ERCC1: variants seen among roughly 807,000 people sequenced by gnomAD.
The protein encoded by ERCC1 is DNA excision repair protein ERCC-1.
In ERCC1, 36 loss-of-function variants were observed where a neutral mutation model predicts 37.6. The observed-to-expected ratio is 0.96, with a 90% confidence interval of 0.73 to 1.26. The LOEUF is 1.26. ERCC1 is among the 50% of genes most tolerant of loss of function. The probability of loss-of-function intolerance (pLI) is 0.00; values close to 1 mark genes in which losing one functional copy is unlikely to be tolerated. For missense variants in ERCC1, 349 were observed against 376.5 expected (o/e 0.93, Z 0.60); for synonymous variants, 156 against 162.1 (o/e 0.96, Z 0.28).
chr19:45,420,483 G>A lies in ERCC1; in HGVS notation c.322-56C>T, dbSNP rs2123514656. 1 of 1,117,812 alleles carries A rather than the reference G, an allele frequency of 8.9e-7. No individual in the cohort carries two copies. The highest frequency in any genetic ancestry group is 1.3e-6 in the Non-Finnish European group (1 of 742,014). 69.2% of individuals were successfully genotyped at this position (1,117,812 alleles called of 1,614,324 possible). ...ATAGGGATGACCCTTGATAACCACA[G>A]GGCCCTCCTCCACCTCTTCTTGCAC... On this transcript the variant is annotated intron_variant, in intron 3 of 9. Transcript: ENST00000300853. The surrounding 1 kb of genome is among the most constrained non-coding windows in gnomAD (Gnocchi z 4.8).
chr19:45,411,229 G>A (rs1185264360), intron 9 of ERCC1, among the ~76,000 whole-genome samples: 2 of 152,128 alleles, frequency 1.3e-5, no homozygotes, highest in Non-Finnish European at 2.9e-5. Context: ...CTAAGTTTTG[G>A]CAATGTGAAC....
At position 45,423,354 on chromosome 19, in the gene ERCC1, T is replaced by G; in HGVS notation, c.21A>C (p.Lys7Asn). 6.2e-7 allele frequency: 1 copy of G among 1,613,298 alleles called. No homozygotes were observed. Among genetic ancestry groups the G allele is most frequent in the South Asian group, 1.1e-5 (1 of 90,838 alleles). MDPGKDKEGVPQPSGPP... is the reference protein window; with the variant it reads MDPGKDNEGVPQPSGPP... ...GCCCTGAGGGCTGGGGCACCCCCTC[T>G]TTGTCCTTCCCAGGGTCCATCTGGA... The change falls in exon 2 of 10, where the codon AAA (lysine) becomes AAC (asparagine). Residue 7 changes from lysine to asparagine, a missense_variant. Physicochemically the swap from Lys to Asn is moderately conservative, Grantham distance 94. Transcript: ENST00000300853.
At chr19:45,414,282 C>T in intron 7 of ERCC1, 1 of 557,456 alleles carries the variant, frequency 1.8e-6, no homozygotes, top group Non-Finnish European at 3.2e-6. Context: ...TCAAGACCAG[C>T]CTGGCCAACA....
chr19:45,450,834 G>A (rs1418787073), intron 1 of ERCC1: 3 of 139,394 alleles, frequency 2.2e-5, no homozygotes, highest in Non-Finnish European at 3.1e-5. Context: ...GCAGCGCCGC[G>A]CCGGTTGCCG....
In ERCC1 at chr19:45,409,402, A is replaced by G. The variant is rs964169447; in HGVS notation, c.*273T>C. 1.9e-6 allele frequency: 3 copies of G among 1,613,948 alleles called. No individual in the cohort carries two copies. The highest frequency in any genetic ancestry group is 2.5e-6 in the Non-Finnish European group (3 of 1,180,002). ...GCCGGATGCCAGAGACAGTGCCCCA[A>G]GAGGAGATGCCAGGGCCGCCACTGA... On this transcript the variant is annotated 3_prime_UTR_variant, in exon 10 of 10. Transcript: ENST00000300853.
chr19:45,435,138 C>T (rs1195620955), intron 1 of ERCC1, among the ~76,000 whole-genome samples: 2 of 151,956 alleles, frequency 1.3e-5, no homozygotes, highest in South Asian at 2.1e-4. Flanking sequence ...AGGCTGGTCT[C>T]AGACTCCTGA....
chr19:45,423,260 C>T lies in ERCC1; in HGVS notation c.105+10G>A. ...CAGCCTCCCAGGGGCCCCGCATCTC[C>T]TTGTCCTACCACTCCAGGAGGGACC... On this transcript the variant is annotated intron_variant, in intron 2 of 9. Transcript: ENST00000300853. 7 of 1,611,654 alleles carry T rather than the reference C, an allele frequency of 4.3e-6. No homozygotes were observed. Among genetic ancestry groups the T allele is most frequent in the Non-Finnish European group, 5.9e-6 (7 of 1,179,044 alleles).
At chr19:45,433,245 G>A (rs2123577389) in intron 1 of ERCC1, among the ~76,000 whole-genome samples, 1 of 151,966 alleles carries the variant, frequency 6.6e-6, no homozygotes, top group African/African-American at 2.4e-5. Context: ...CAAAAATTAA[G>A]CCGGGCACAA....
At position 45,408,173 on chromosome 19, in the gene ERCC1, G is replaced by A. The variant is rs778171085; in HGVS notation, c.*1502C>T. ...TGTGCCTCTCTCTGGCTCCCAGATCGTCAAGGGCAAATTGGCAGGCAAGCG... is the reference window on the plus strand; with the variant it reads ...TGTGCCTCTCTCTGGCTCCCAGATCATCAAGGGCAAATTGGCAGGCAAGCG... On this transcript the variant is annotated 3_prime_UTR_variant, in exon 10 of 10. Transcript: ENST00000300853. The A allele has an allele frequency of 2.2e-5, 35 of 1,610,706 alleles. No individual in the cohort carries two copies. The highest frequency in any genetic ancestry group is 1.6e-4 in the Middle Eastern group (1 of 6,072).
intron 1 of ERCC1, among the ~76,000 whole-genome samples, chr19:45,446,964 C>G (rs1324697579): frequency 6.6e-6 from 1 of 152,094 alleles, no homozygotes. Flanking sequence ...CGCCATTGCA[C>G]TCCAGCCTGG....
chr19:45,408,908 A>C lies in ERCC1; in HGVS notation c.*767T>G. The C allele has an allele frequency of 6.2e-7, 1 of 1,614,122 alleles. No individual in the cohort carries two copies. The highest frequency in any genetic ancestry group is 1.1e-5 in the South Asian group (1 of 91,080). On this transcript the variant is annotated 3_prime_UTR_variant, in exon 10 of 10. Transcript: ENST00000300853. Reference sequence around the variant, plus strand: ...GACAGTTGAGTCTCAGCCACAGGTGAAGGTGGAGCCACTGGAGGAAGCCAT... The same window carrying C: ...GACAGTTGAGTCTCAGCCACAGGTGCAGGTGGAGCCACTGGAGGAAGCCAT...
chr19:45,416,633 G>A (rs1364034262), intron 6 of ERCC1, 188 bp downstream of exon 6: 4 of 566,242 alleles, frequency 7.1e-6, no homozygotes, highest in Non-Finnish European at 1.2e-5. Context: ...GTGAGGCTCT[G>A]TATCAAAAAA....
Position 45,414,903 on chromosome 19 carries a change from C to G in ERCC1, c.660G>C (p.Ala220=). ...ETYKAYEQKP[A]DLLMEKLEQD... is the part of the protein sequence containing the mutation. ...GCTCTAGCTTCTCCATCAGGAGGTC[C>G]GCTGGTTTCTGCTCATAGGCCTTGT... Residue 220 remains alanine (A), a synonymous_variant, in exon 7 of 10, where the codon GCG becomes GCC. Transcript: ENST00000300853. The G allele has an allele frequency of 6.2e-7, 1 of 1,613,940 alleles. No individual in the cohort carries two copies.
chr19:45,411,259 GTGCAGATACCTGT>G (rs1279108813), intron 9 of ERCC1, among the ~76,000 whole-genome samples: 1 of 152,218 alleles, frequency 6.6e-6, no homozygotes, highest in African/African-American at 2.4e-5. Flanking sequence ...ACAAACAGGA[GTGCAGATACCTGT>G]TCCATACACT....
In ERCC1 at chr19:45,420,626, G is replaced by A. The variant is rs540870446; in HGVS notation, c.322-199C>T. 1.5e-3 allele frequency among the ~76,000 whole-genome samples: 232 copies of A among 151,916 alleles called. No individual in the cohort carries two copies. Among genetic ancestry groups the A allele is most frequent in the African/African-American group, 5.3e-3 (219 of 41,396 alleles). ...CCAGCTTCTCTCTCCTCCTAACCCT[G>A]GACAGTCCCTGATCCTCTGATCCAG... On this transcript the variant is annotated intron_variant, in intron 3 of 9. Coordinates refer to ENST00000300853, the MANE Select transcript of ERCC1 (RefSeq NM_001983.4). The surrounding 1 kb of genome is among the most constrained non-coding windows in gnomAD (Gnocchi z 4.8).
rs370175035 is a variant in ERCC1, at chr19:45,442,308, C to G, written c.-7-18927G>C. ...ACACTCCAGCGTGGGCAACAGAGAC[C>G]CTGTCTCAAAAAAAAAAAAAAGAAA... On this transcript the variant is annotated intron_variant, in intron 1 of 8. Transcript: ENST00000423698. Among the ~76,000 whole-genome samples the G allele has an allele frequency of 1.0e-4, 15 of 143,774 alleles. No individual in the cohort carries two copies. In the East Asian group the frequency reaches 2.9e-3, roughly 28 times the overall value. The allele number at this position is 143,774 out of a possible 152,430, so 94.3% of individuals were successfully genotyped here.
intron 1 of ERCC1, 140 bp from the exon 2 acceptor site, chr19:45,423,521 G>A (rs1974571073): frequency 6.8e-7 from 1 of 1,466,496 alleles, no homozygotes; most frequent in Non-Finnish European, 9.0e-7. Context: ...CAGCGCTAGA[G>A]GCTCTGTAAC....
At position 45,414,333 on chromosome 19, in the gene ERCC1, C is replaced by T; in HGVS notation, c.703-299G>A. The T allele has an allele frequency of 1.3e-5, 6 of 445,254 alleles. No homozygotes were observed. In the East Asian group the frequency reaches 2.3e-4, roughly 17 times the overall value. The allele number at this position is 445,254 out of a possible 1,614,324, so 27.6% of individuals were successfully genotyped here. ...TTTACTAAAAAATACAAAAATTAGA[C>T]AGGCATGGTTGTGGGCACCTGTAGT... On this transcript the variant is annotated intron_variant, in intron 7 of 9. Transcript: ENST00000300853.
At chr19:45,443,856 T>C (rs1975185236) in intron 1 of ERCC1, among the ~76,000 whole-genome samples, 1 of 151,964 alleles carries the variant, frequency 6.6e-6, no homozygotes, top group African/African-American at 2.4e-5. Context: ...AGTTCGGTTC[T>C]TTCTCCGAAC....
Sources: gnomAD v4.1 joint callset for allele counts (sites outside exome capture counted in the v4.1 genomes callset) on GRCh38, gnomAD v4.1.1 for gene constraint, Gnocchi (gnomAD v3.1) non-coding constraint, MANE v1.5 for transcripts, NCBI Gene and HGNC (gene_info 2026-07-23, HGNC 2026-07-21) for gene names.